TAB3: variants seen among roughly 807,000 people sequenced by gnomAD.
TAB3 encodes TGF-beta-activated kinase 1 and MAP3K7-binding protein 3.
Under a neutral mutation model 48.1 loss-of-function variants are expected in TAB3, and 18 were observed. That is an observed-to-expected ratio of 0.37 (90% CI 0.26 to 0.55). TAB3 has a LOEUF of 0.55. Among genes scored for constraint, TAB3 ranks in the 20% least tolerant of loss-of-function variants. The probability of loss-of-function intolerance (pLI) is 0.78; values close to 1 mark genes in which losing one functional copy is unlikely to be tolerated. For missense variants in TAB3, 414 were observed against 549.8 expected (o/e 0.75, Z 2.47); for synonymous variants, 185 against 190.2 (o/e 0.97, Z 0.22).
At chrX:30,876,108 C>T (rs779153446) in intron 1 of TAB3, among the ~76,000 whole-genome samples, 7 of 111,864 alleles carry the variant, frequency 6.3e-5, no homozygotes, top group Non-Finnish European at 1.1e-4. Context: ...AAGGGTGAAT[C>T]GCAATGAATC....
In TAB3 at chrX:30,854,007, C is replaced by T. The variant is rs1938961646; in HGVS notation, c.1549+109G>A. On this transcript the variant is annotated intron_variant, in intron 6 of 10. Transcript: ENST00000288422. ...TTATTCTTAATAGCAATGCTACTGC[C>T]CAACATTTAATACTAAACATTTAAT... 4.3e-6 allele frequency: 4 copies of T among 927,926 alleles called. No individual in the cohort carries two copies. The South Asian group carries it at 8.1e-5, about 19-fold the overall frequency. The allele number at this position is 927,926 out of a possible 1,213,427, so 76.5% of individuals were successfully genotyped here.
chrX:30,846,149 TA>T (rs1938614943), intron 8 of TAB3: 1 of 751,614 alleles, frequency 1.3e-6, no homozygotes, highest in African/African-American at 2.3e-5. Context: ...AAATAACATA[TA>T]TAGAGTTTAT....
intron 8 of TAB3, chrX:30,846,209 A>G (rs781020751): frequency 1.0e-4 from 41 of 411,642 alleles, no homozygotes; most frequent in Non-Finnish European, 1.8e-5. Flanking sequence ...CTTTTTACAG[A>G]TATTTTAGAT....
At chrX:30,832,600 C>G (rs1351003750) in intron 10 of TAB3, among the ~76,000 whole-genome samples, 1 of 112,364 alleles carries the variant, frequency 8.9e-6, no homozygotes, top group African/African-American at 3.2e-5. Context: ...AAGCTGACTT[C>G]TAGTTTATCA....
intron 4 of TAB3, 87 bp from the exon 5 acceptor site, chrX:30,859,765 G>A (rs1287542503): frequency 9.4e-6 from 4 of 427,595 alleles, no homozygotes; most frequent in Admixed American, 4.3e-5. Context: ...CAGTAGTGGT[G>A]GCATCTCCTC....
chrX:30,884,909 T>C (rs1216007080), intron 1 of TAB3, among the ~76,000 whole-genome samples: 1 of 112,608 alleles, frequency 8.9e-6, no homozygotes, highest in East Asian at 2.8e-4. Context: ...CAGTAATTCA[T>C]GGTGGGAACA....
chrX:30,845,809 T>C (rs1251188927), intron 8 of TAB3: 4 of 283,139 alleles, frequency 1.4e-5, no homozygotes, highest in Non-Finnish European at 2.1e-5. Flanking sequence ...GCTTTCTCCT[T>C]CATGTCAGTT....
rs1453109131 is a variant in TAB3, at chrX:30,833,005, C to G, written c.1990+1046G>C. Among the ~76,000 whole-genome samples the G allele has an allele frequency of 8.9e-5, 9 of 101,616 alleles. No homozygotes were observed. The East Asian group carries it at 1.2e-3, about 14-fold the overall frequency. 88.2% of individuals were successfully genotyped at this position (101,616 alleles called of 115,157 possible). On this transcript the variant is annotated intron_variant, in intron 10 of 10. Transcript: ENST00000288422. ...TTTTTTTTTGAGACGGAGTCTTGCT[C>G]TGTTGCCCAGGCTGGAGTGCAGTGG...
chrX:30,836,462 A>C (rs1938217535), intron 9 of TAB3: 1 of 111,932 alleles, frequency 8.9e-6, no homozygotes, highest in Non-Finnish European at 1.9e-5. Context: ...TACATATTTA[A>C]GAAATTTTAA....
intron 1 of TAB3, among the ~76,000 whole-genome samples, chrX:30,885,517 T>A (rs1940105562): frequency 9.0e-6 from 1 of 111,538 alleles, no homozygotes; most frequent in African/African-American, 3.3e-5. Context: ...GCTTCCACTA[T>A]GAAGGAGGGC....
intron 8 of TAB3, chrX:30,846,315 A>G (rs1938621786): frequency 2.9e-6 from 1 of 340,550 alleles, no homozygotes. Flanking sequence ...GATAAATGCA[A>G]AGTAACAACA....
intron 9 of TAB3, among the ~76,000 whole-genome samples, chrX:30,838,552 A>G (rs1383954199): frequency 1.8e-5 from 2 of 112,288 alleles, no homozygotes; most frequent in African/African-American, 6.5e-5. Flanking sequence ...GTTAATTAAA[A>G]ATGCACTACC....
chrX:30,846,754 G>A (rs781524326), intron 7 of TAB3, 110 bp from the exon 8 acceptor site: 5 of 472,403 alleles, frequency 1.1e-5, no homozygotes, highest in Admixed American at 9.9e-5. Context: ...CCAAGAATAC[G>A]GCCTTAGTCC....
At chrX:30,868,344 ATATATAGCTTATATATATATATAT>A (rs1939494468) in intron 2 of TAB3, among the ~76,000 whole-genome samples, 1 of 41,576 alleles carries the variant, frequency 2.4e-5, no homozygotes, top group African/African-American at 1.2e-4. Context: ...AAGCTTTTAT[ATATATAGCTTATATATATATATAT>A]AGCTTATATA....
intron 4 of TAB3, among the ~76,000 whole-genome samples, chrX:30,864,801 G>GTT (rs201049952): frequency 2.0e-5 from 2 of 99,426 alleles, no homozygotes; most frequent in African/African-American, 6.9e-5. Context: ...GTGTGTGTGT[G>GTT]TGTTTTTTTT....
intron 7 of TAB3, among the ~76,000 whole-genome samples, chrX:30,846,942 T>C (rs1282660477): frequency 9.0e-6 from 1 of 111,555 alleles, no homozygotes; most frequent in East Asian, 2.8e-4. Flanking sequence ...GCACTGAGAA[T>C]ATTTTGTGTC....
intron 4 of TAB3, among the ~76,000 whole-genome samples, chrX:30,866,414 G>A (rs1261350129): frequency 9.1e-6 from 1 of 110,364 alleles, no homozygotes; most frequent in Non-Finnish European, 1.9e-5. Flanking sequence ...TTAATAAAGG[G>A]AACCAAGGCC....
intron 5 of TAB3, among the ~76,000 whole-genome samples, chrX:30,856,065 A>G (rs5972249): frequency 0.072 from 8,097 of 112,128 alleles, 715 homozygotes; most frequent in African/African-American, 0.25. Context: ...AAATTCCTCA[A>G]GAGTTAAAAC....
chrX:30,838,506 C>T (rs1315552071), intron 9 of TAB3, among the ~76,000 whole-genome samples: 1 of 111,651 alleles, frequency 9.0e-6, no homozygotes. Context: ...TGTTCTAGGA[C>T]TTTCTGTATT....
Sources: gnomAD v4.1 joint callset for allele counts (sites outside exome capture counted in the v4.1 genomes callset) on GRCh38, gnomAD v4.1.1 for gene constraint, MANE v1.5 for transcripts, NCBI Gene and HGNC (gene_info 2026-07-23, HGNC 2026-07-21) for gene names.